The following CHD9 variants were observed in gnomAD, a reference collection of about 807,000 sequenced individuals.
CHD9 encodes the protein chromodomain helicase DNA binding protein 9, also known as ATP-dependent chromatin remodeler CHD9.
A neutral mutation model predicts 316.1 loss-of-function variants in CHD9; 77 were observed. The observed-to-expected ratio is 0.24, with a 90% confidence interval of 0.20 to 0.29. CHD9 has a LOEUF of 0.29. CHD9 is among the 10% of genes least tolerant of loss of function. CHD9 has a pLI of 1.00. For synonymous variants in CHD9, 1,129 were observed against 1,158.3 expected (o/e 0.97, Z 0.51); for missense variants, 2,763 against 3,438.1 (o/e 0.80, Z 4.91).
intron 1 of CHD9, among the ~76,000 whole-genome samples, chr16:53,078,521 A>G (rs756122332): frequency 6.6e-6 from 1 of 152,172 alleles, no homozygotes; most frequent in Non-Finnish European, 1.5e-5. Flanking sequence ...ATTTCTGTTC[A>G]TTGTAAATTA....
chr16:53,091,004 C>T (rs779560279), intron 1 of CHD9, among the ~76,000 whole-genome samples: 1 of 145,006 alleles, frequency 6.9e-6, no homozygotes, highest in Non-Finnish European at 1.5e-5. Context: ...ACAGCTCACC[C>T]CCCCCCGACT....
intron 1 of CHD9, among the ~76,000 whole-genome samples, chr16:53,108,169 G>A (rs2037520791): frequency 6.6e-6 from 1 of 152,022 alleles, no homozygotes; most frequent in Non-Finnish European, 1.5e-5. Context: ...TTTATTATTA[G>A]CAATACCCAC....
chr16:53,172,093 G>T (rs1024783536), intron 2 of CHD9, among the ~76,000 whole-genome samples: 2 of 151,966 alleles, frequency 1.3e-5, no homozygotes, highest in African/African-American at 4.8e-5. Context: ...GGTAAATTTT[G>T]ACATATGTAT....
chr16:53,257,970 G>A (rs1255464356), intron 19 of CHD9, among the ~76,000 whole-genome samples: 1 of 152,070 alleles, frequency 6.6e-6, no homozygotes, highest in Non-Finnish European at 1.5e-5. Context: ...AGGTGGTCAT[G>A]GTTACTGTCC....
At chr16:53,290,871 G>A (rs1025122723) in intron 27 of CHD9, among the ~76,000 whole-genome samples, 1 of 152,154 alleles carries the variant, frequency 6.6e-6, no homozygotes, top group Non-Finnish European at 1.5e-5. Flanking sequence ...AAAAAATTTA[G>A]AAACAAGGAG....
chr16:53,074,222 G>GT, intron 1 of CHD9, among the ~76,000 whole-genome samples: 1 of 152,226 alleles, frequency 6.6e-6, no homozygotes, highest in Admixed American at 6.5e-5. Flanking sequence ...GATGATTTAG[G>GT]GTATCTGGTG....
At chr16:53,062,034 C>T (rs2032968537) in intron 1 of CHD9, among the ~76,000 whole-genome samples, 1 of 152,162 alleles carries the variant, frequency 6.6e-6, no homozygotes, top group Non-Finnish European at 1.5e-5. Context: ...CGCCTCTCAC[C>T]CCTGGGGCTG....
chr16:53,128,990 T>C (rs563669657), intron 1 of CHD9, among the ~76,000 whole-genome samples: 5 of 152,228 alleles, frequency 3.3e-5, no homozygotes, highest in African/African-American at 1.2e-4. Flanking sequence ...AGGAAGGAGA[T>C]AGCAAAAACA....
At chr16:53,132,793 CTT>C (rs748626858) in intron 1 of CHD9, among the ~76,000 whole-genome samples, 1,317 of 68,100 alleles carry the variant, frequency 0.019, no homozygotes, top group South Asian at 0.039. Flanking sequence ...TCTAATTCTG[CTT>C]TTTTTTTTTT....
intron 34 of CHD9, among the ~76,000 whole-genome samples, chr16:53,312,491 G>T (rs1373915126): frequency 6.6e-6 from 1 of 152,188 alleles, no homozygotes; most frequent in Non-Finnish European, 1.5e-5. Flanking sequence ...TAAAAGAAGG[G>T]CAGGGAATAG....
chr16:53,236,019 G>T (rs917029823), intron 11 of CHD9, among the ~76,000 whole-genome samples: 51 of 152,092 alleles, frequency 3.4e-4, no homozygotes, highest in African/African-American at 1.2e-3. Flanking sequence ...CTTCTGAATT[G>T]TTATGCTTAG....
chr16:53,113,032 A>G (rs1266161270), intron 1 of CHD9, among the ~76,000 whole-genome samples: 6 of 151,946 alleles, frequency 3.9e-5, no homozygotes, highest in Admixed American at 3.9e-4. Context: ...AATTAAAAAT[A>G]AATTATGTGT....
intron 33 of CHD9, 83 bp from the exon 34 acceptor site, chr16:53,308,603 C>T: frequency 3.3e-6 from 3 of 903,726 alleles, no homozygotes; most frequent in East Asian, 2.7e-5. Flanking sequence ...CATTTTTTTT[C>T]CTCAGTAAAA....
At chr16:53,262,768 A>G (rs1294755796) in intron 19 of CHD9, among the ~76,000 whole-genome samples, 1 of 152,150 alleles carries the variant, frequency 6.6e-6, no homozygotes, top group Non-Finnish European at 1.5e-5. Flanking sequence ...AACCAACAGT[A>G]ATAACTTATT....
At chr16:53,274,000 A>G (rs2052547043) in intron 23 of CHD9, among the ~76,000 whole-genome samples, 1 of 152,190 alleles carries the variant, frequency 6.6e-6, no homozygotes, top group Non-Finnish European at 1.5e-5. Context: ...AAATGAGCTC[A>G]TTATATCTTA....
At chr16:53,273,838 T>G in intron 23 of CHD9, 53 bp downstream of exon 23, 8 of 1,471,268 alleles carry the variant, frequency 5.4e-6, no homozygotes, top group Non-Finnish European at 7.4e-6. Flanking sequence ...TGTTCTGAAT[T>G]TATTAATACT....
chr16:53,229,827 A>G (rs2048015063), intron 8 of CHD9, among the ~76,000 whole-genome samples: 2 of 152,224 alleles, frequency 1.3e-5, no homozygotes, highest in African/African-American at 4.8e-5. Flanking sequence ...TCCTAAAAAC[A>G]ACTATATTCT....
At chr16:53,232,532 G>T (rs2048267325) in intron 10 of CHD9, among the ~76,000 whole-genome samples, 1 of 152,110 alleles carries the variant, frequency 6.6e-6, no homozygotes, top group South Asian at 2.1e-4. Context: ...AATGTAGGAG[G>T]TGTTTTTTTG....
Position 53,304,003 on chromosome 16 carries a change from G to T in CHD9, c.5997G>T (p.Arg1999Ser). Reference protein sequence around the residue: ...DPELSFMAAQRNYSQSKMAHS... With the variant: ...DPELSFMAAQSNYSQSKMAHS... ...AACTCTCATTTATGGCAGCTCAGAG[G>T]AACTACAGTCAAAGTAAGATGGCTC... Residue 1999 changes from arginine to serine, a missense_variant, in exon 31 of 39, where the codon AGG becomes AGT. Arg to Ser is a moderately radical substitution (Grantham distance 110). This residue lies in a region of CHD9 where 663 missense variants were observed against 751.2 expected (regional missense o/e 0.88). Transcript: ENST00000447540. The T allele has an allele frequency of 6.2e-7, 1 of 1,613,982 alleles. No individual in the cohort carries two copies.
Sources: gnomAD v4.1 joint callset for allele counts (sites outside exome capture counted in the v4.1 genomes callset) on GRCh38, gnomAD v4.1.1 for gene constraint, gnomAD v4.1.1 regional missense constraint, MANE v1.5 for transcripts, NCBI Gene and HGNC (gene_info 2026-07-23, HGNC 2026-07-21) for gene names.